RPTOR: variants seen among roughly 807,000 people sequenced by gnomAD.
RPTOR encodes the protein regulatory-associated protein of mTOR.
In RPTOR, 21 loss-of-function variants were observed where a neutral mutation model predicts 169.9. The ratio of observed to expected loss-of-function variants is 0.12; its 90% CI spans 0.09 to 0.18. The LOEUF is 0.18. Ranked by LOEUF, RPTOR falls within the 10% of genes least tolerant of loss-of-function variation. The pLI, the probability that RPTOR is intolerant of heterozygous loss-of-function variation, is 1.00. For synonymous variants in RPTOR, 732 were observed against 753.2 expected, an observed-to-expected ratio of 0.97 and a Z score of 0.46; for missense variants, 1,133 against 1,855.9, an observed-to-expected ratio of 0.61 and a Z score of 7.16.
intron 11 of RPTOR, among the ~76,000 whole-genome samples, chr17:80,854,562 T>G (rs950444341): frequency 6.6e-6 from 1 of 152,258 alleles, no homozygotes; most frequent in African/African-American, 2.4e-5. Flanking sequence ...CATGTGCCGA[T>G]GTACCCATTA....
At chr17:80,776,584 A>G (rs1029336862) in intron 6 of RPTOR, among the ~76,000 whole-genome samples, 6 of 152,248 alleles carry the variant, frequency 3.9e-5, no homozygotes, top group Admixed American at 2.0e-4. Flanking sequence ...TCGGCCTCCC[A>G]AAGTGCTGGG....
intron 25 of RPTOR, 40 bp from the exon 26 acceptor site, chr17:80,945,627 G>A: frequency 8.1e-7 from 1 of 1,239,142 alleles, no homozygotes; most frequent in African/African-American, 1.6e-5. Flanking sequence ...GGGAAAAGAT[G>A]CTGGCTCCTG....
At chr17:80,799,852 G>A (rs7222621) in intron 7 of RPTOR, among the ~76,000 whole-genome samples, 33,260 of 151,956 alleles carry the variant, frequency 0.22, 3,960 homozygotes, top group African/African-American at 0.31. Flanking sequence ...GGTGGTGATC[G>A]GCACATAACG....
chr17:80,859,156 G>C (rs2067889420), intron 13 of RPTOR, among the ~76,000 whole-genome samples: 1 of 152,188 alleles, frequency 6.6e-6, no homozygotes, highest in Non-Finnish European at 1.5e-5. Context: ...TGCGGCCTAG[G>C]AGCAGGGCTG....
intron 33 of RPTOR, 33 bp downstream of exon 33, chr17:80,963,090 G>T: frequency 8.2e-7 from 1 of 1,222,044 alleles, no homozygotes; most frequent in South Asian, 1.3e-5. Flanking sequence ...GTCGGGGGTC[G>T]GGGGCTGGGG....
chr17:80,869,992 T>C (rs967683853), intron 13 of RPTOR, among the ~76,000 whole-genome samples: 5 of 152,164 alleles, frequency 3.3e-5, no homozygotes, highest in African/African-American at 1.2e-4. Context: ...GTGGTTGTTT[T>C]AATAAGTTCC....
At position 80,963,095 on chromosome 17, in the gene RPTOR, C is replaced by G. The variant is rs778324784; in HGVS notation, c.3939+38C>G. On this transcript the variant is annotated intron_variant, in intron 33 of 33. Coordinates refer to ENST00000306801, the MANE Select transcript of RPTOR (RefSeq NM_020761.3). ...GTGGGTGGGGGTCGGGGGTCGGGGG[C>G]TGGGGTAGAGGGATGGGAGGCAAGG... 5.8e-3 allele frequency: 2,034 copies of G among 350,320 alleles called. 17 individuals carry two copies. Among genetic ancestry groups the G allele is most frequent in the Middle Eastern group, 9.5e-3 (10 of 1,052 alleles). The allele number at this position is 350,320 out of a possible 1,614,324, so 21.7% of individuals were successfully genotyped here.
In RPTOR at chr17:80,823,262, G is replaced by T. The variant is rs112605765; in HGVS notation, c.1136+39G>T. On this transcript the variant is annotated intron_variant, in intron 9 of 33. Coordinates refer to ENST00000306801, the MANE Select transcript of RPTOR (RefSeq NM_020761.3). The surrounding 1 kb of genome is among the most constrained non-coding windows in gnomAD (Gnocchi z 4.5). The stretch of plus-strand genomic sequence containing the variant: ...GATCCTCCAGGTGCCGTGCTCCCCC[G>T]CCCTCCGTGGCACTGTGATGTCATG... 1.9e-6 allele frequency: 3 copies of T among 1,604,326 alleles called. No individual in the cohort carries two copies. The highest frequency in any genetic ancestry group is 2.6e-6 in the Non-Finnish European group (3 of 1,173,694).
intron 3 of RPTOR, among the ~76,000 whole-genome samples, chr17:80,699,458 A>G (rs1230466496): frequency 6.3e-3 from 539 of 86,072 alleles, no homozygotes; most frequent in Middle Eastern, 0.017. Context: ...AAGAGGTGCT[A>G]TGCACGGTAC....
intron 13 of RPTOR, among the ~76,000 whole-genome samples, chr17:80,858,500 G>A (rs1189342970): frequency 6.6e-6 from 1 of 152,208 alleles, no homozygotes; most frequent in Non-Finnish European, 1.5e-5. Flanking sequence ...ATTTAGCTAT[G>A]TTAAGAGAGA....
chr17:80,701,596 G>T (rs959095186), intron 3 of RPTOR, among the ~76,000 whole-genome samples: 3 of 152,126 alleles, frequency 2.0e-5, no homozygotes, highest in Non-Finnish European at 4.4e-5. Flanking sequence ...CCCCAGATGG[G>T]GCCAGAACTG....
intron 3 of RPTOR, among the ~76,000 whole-genome samples, chr17:80,672,777 G>A (rs1382439448): frequency 1.3e-5 from 2 of 151,898 alleles, no homozygotes; most frequent in South Asian, 2.1e-4. Context: ...GCGACAGAGC[G>A]AGACTCTGTC....
intron 4 of RPTOR, among the ~76,000 whole-genome samples, chr17:80,729,822 C>CGT (rs2066374208): frequency 6.6e-6 from 1 of 152,122 alleles, no homozygotes; most frequent in Non-Finnish European, 1.5e-5. Flanking sequence ...GTGAAGAGCA[C>CGT]GTGTGTGAGA....
Position 80,583,196 on chromosome 17 carries a change from T to TTTGTTTTTTTTTG in RPTOR, c.162+37407_162+37408insGTTTTTTTTTGTT, listed in dbSNP as rs1555717406. 8.7e-4 allele frequency among the ~76,000 whole-genome samples: 119 copies of TTTGTTTTTTTTTG among 137,440 alleles called. 1 individual carries two copies. The highest frequency in any genetic ancestry group is 1.4e-3 in the South Asian group (6 of 4,330). The allele number at this position is 137,440 out of a possible 152,430, so 90.2% of individuals were successfully genotyped here. ...GCCTCTTTCCTGTTTTTTTTTTTTT[T>TTTGTTTTTTTTTG]TTTTTTTTTTGAGACAGAGTCTTGC... On this transcript the variant is annotated intron_variant, in intron 1 of 33. Coordinates refer to ENST00000306801, the MANE Select transcript of RPTOR (RefSeq NM_020761.3).
intron 3 of RPTOR, among the ~76,000 whole-genome samples, chr17:80,647,283 CGTT>C (rs1196118466): frequency 6.6e-6 from 1 of 152,144 alleles, no homozygotes; most frequent in Non-Finnish European, 1.5e-5. Context: ...AAATGCCGAC[CGTT>C]GTTTCAGTGG....
chr17:80,821,348 G>T (rs370497165), intron 7 of RPTOR, among the ~76,000 whole-genome samples: 8 of 152,382 alleles, frequency 5.2e-5, no homozygotes, highest in South Asian at 4.1e-4. Flanking sequence ...GGTGCCATCA[G>T]ATGGTTCCTG....
intron 13 of RPTOR, among the ~76,000 whole-genome samples, chr17:80,865,732 A>G (rs1456433163): frequency 6.6e-6 from 1 of 152,034 alleles, no homozygotes; most frequent in Non-Finnish European, 1.5e-5. Context: ...CTCCTTTCTC[A>G]GTAACTGACG....
intron 24 of RPTOR, among the ~76,000 whole-genome samples, chr17:80,931,441 C>T (rs1290024115): frequency 1.3e-5 from 2 of 152,190 alleles, no homozygotes; most frequent in African/African-American, 4.8e-5. Flanking sequence ...AATCTCAAAC[C>T]TTTGGGAGCC....
At chr17:80,611,545 G>A (rs2065270897) in intron 1 of RPTOR, among the ~76,000 whole-genome samples, 1 of 152,096 alleles carries the variant, frequency 6.6e-6, no homozygotes, top group Non-Finnish European at 1.5e-5. Context: ...GGGGTTACAG[G>A]CGTGAGCAGG....
Sources: gnomAD v4.1 joint callset for allele counts (sites outside exome capture counted in the v4.1 genomes callset) on GRCh38, gnomAD v4.1.1 for gene constraint, Gnocchi (gnomAD v3.1) non-coding constraint, MANE v1.5 for transcripts, NCBI Gene and HGNC (gene_info 2026-07-23, HGNC 2026-07-21) for gene names.